The following S100Z variants were observed in gnomAD, a reference collection of about 807,000 sequenced individuals.
S100Z encodes the protein S100 calcium binding protein Z, also known as protein S100-Z.
S100Z carries 11 observed loss-of-function variants against 8.5 expected under a neutral mutation model. The ratio of observed to expected loss-of-function variants is 1.30; its 90% CI spans 0.82 to 2.15. The LOEUF is 2.15. S100Z is among the 30% of genes most tolerant of loss of function. S100Z has a pLI of 0.00. For synonymous variants in S100Z, 34 were observed against 43.8 expected, an observed-to-expected ratio of 0.78 and a Z score of 0.89; for missense variants, 126 against 117.9, an observed-to-expected ratio of 1.07 and a Z score of -0.32.
At chr5:76,917,631 T>A (rs1237232493) in intron 4 of S100Z, among the ~76,000 whole-genome samples, 1 of 152,168 alleles carries the variant, frequency 6.6e-6, no homozygotes, top group African/African-American at 2.4e-5. Context: ...GAGACCAGCC[T>A]GGCCAACATG....
At chr5:76,864,083 G>A (rs906407645) in intron 1 of S100Z, among the ~76,000 whole-genome samples, 39 of 152,198 alleles carry the variant, frequency 2.6e-4, no homozygotes, top group African/African-American at 8.4e-4. Flanking sequence ...TAAATCCTCC[G>A]TAATTCTATT....
At chr5:76,861,128 G>T (rs565263214) in intron 1 of S100Z, among the ~76,000 whole-genome samples, 1 of 152,324 alleles carries the variant, frequency 6.6e-6, no homozygotes, top group Non-Finnish European at 1.5e-5. Flanking sequence ...TTCTCACAAG[G>T]TTGTGTTGCA....
chr5:76,945,954 A>G, the S100Z span, among the ~76,000 whole-genome samples: 108,147 of 152,020 alleles, frequency 0.71, 38,643 homozygotes, highest in South Asian at 0.79. Flanking sequence ...CCCTTCAGGA[A>G]TTGAGGTACT....
chr5:76,893,351 C>T (rs570346320), intron 4 of S100Z, among the ~76,000 whole-genome samples: 7 of 152,176 alleles, frequency 4.6e-5, no homozygotes, highest in African/African-American at 1.7e-4. Flanking sequence ...AAAGTTCAGC[C>T]TGGCCAACAT....
intron 4 of S100Z, among the ~76,000 whole-genome samples, chr5:76,906,936 C>T (rs569553316): frequency 1.3e-4 from 19 of 144,142 alleles, no homozygotes; most frequent in African/African-American, 4.9e-4. Flanking sequence ...CGCCAAATTT[C>T]CTTCTTTTTA....
chr5:76,928,782 C>A, the S100Z span, among the ~76,000 whole-genome samples: 1 of 152,152 alleles, frequency 6.6e-6, no homozygotes, highest in East Asian at 1.9e-4. Flanking sequence ...ACTCTGTCGC[C>A]CAAGCTGGAG....
At chr5:76,889,260 C>A (rs1171342741) in intron 4 of S100Z, among the ~76,000 whole-genome samples, 2 of 152,146 alleles carry the variant, frequency 1.3e-5, no homozygotes, top group Non-Finnish European at 2.9e-5. Flanking sequence ...TCCTTAAAAC[C>A]ACTTCACGTA....
chr5:76,913,099 GTCT>G, intron 4 of S100Z, among the ~76,000 whole-genome samples: 2 of 152,290 alleles, frequency 1.3e-5, no homozygotes, highest in South Asian at 4.1e-4. Flanking sequence ...ATAATTGAAG[GTCT>G]TCTCTGTAAC....
chr5:76,924,416 G>A (rs78531807), downstream of S100Z, among the ~76,000 whole-genome samples: 677 of 152,236 alleles, frequency 4.4e-3, 9 homozygotes, highest in African/African-American at 0.016. Flanking sequence ...CAAAGCTTCA[G>A]AGGGTGAAGA....
At chr5:76,868,692 C>T (rs1028120417) in intron 1 of S100Z, among the ~76,000 whole-genome samples, 3 of 145,962 alleles carry the variant, frequency 2.1e-5, no homozygotes, top group East Asian at 2.1e-4. Context: ...GGCATTATCT[C>T]GGCTCACGGT....
At chr5:76,873,602 T>G (rs1743083637) in intron 2 of S100Z, among the ~76,000 whole-genome samples, 1 of 152,232 alleles carries the variant, frequency 6.6e-6, no homozygotes, top group Middle Eastern at 3.4e-3. Flanking sequence ...CCAGCCTGAA[T>G]ATGTTTGAAA....
intron 1 of S100Z, among the ~76,000 whole-genome samples, chr5:76,851,974 T>A (rs1750741390): frequency 6.6e-6 from 1 of 152,096 alleles, no homozygotes; most frequent in Non-Finnish European, 1.5e-5. Flanking sequence ...GTCTGTTGGG[T>A]TTTGGTGGGT....
chr5:76,906,976 GTATATATATATATATATATA>G lies in S100Z; in HGVS notation c.*3-13712_*3-13693del, dbSNP rs869046562. On this transcript the variant is annotated intron_variant, in intron 4 of 4. Coordinates refer to ENST00000317593, the MANE Select transcript of S100Z (RefSeq NM_130772.4). Reference sequence around the variant, plus strand: ...CTGAATAGTATTCCATTGTGTGTGTGTATATATATATATATATATATATATATATATATATATATATATAT... The same window carrying G: ...CTGAATAGTATTCCATTGTGTGTGTGTATATATATATATATATATATATAT... Among the ~76,000 whole-genome samples the G allele has an allele frequency of 3.3e-3, 72 of 21,788 alleles. 1 individual carries two copies. Among genetic ancestry groups the G allele is most frequent in the South Asian group, 0.012 (13 of 1,130 alleles). The allele number at this position is 21,788 out of a possible 152,430, so 14.3% of individuals were successfully genotyped here. A position where few individuals can be genotyped will look rare whatever the true frequency, so the allele number is the denominator to read the frequency against.
chr5:76,928,420 A>T, the S100Z span, among the ~76,000 whole-genome samples: 1 of 152,278 alleles, frequency 6.6e-6, no homozygotes, highest in Non-Finnish European at 1.5e-5. Flanking sequence ...CACCTTTAGG[A>T]TGGGAGTGAG....
At chr5:76,894,202 G>A (rs1016111586) in intron 4 of S100Z, among the ~76,000 whole-genome samples, 1 of 152,188 alleles carries the variant, frequency 6.6e-6, no homozygotes, top group Non-Finnish European at 1.5e-5. Context: ...TTGCAACCTA[G>A]ACATTCTTCT....
chr5:76,944,363 A>G, the S100Z span, among the ~76,000 whole-genome samples: 19 of 152,200 alleles, frequency 1.2e-4, no homozygotes, highest in Non-Finnish European at 2.9e-5. Context: ...GGTGCTCTGG[A>G]GGAAGATGGG....
At chr5:76,879,180 T>C (rs1743302851) in intron 4 of S100Z, among the ~76,000 whole-genome samples, 1 of 152,192 alleles carries the variant, frequency 6.6e-6, no homozygotes, top group South Asian at 2.1e-4. Context: ...AGTCTTTCCT[T>C]GTCTTTTTTT....
At chr5:76,919,971 C>CAAT (rs1332402967) in intron 4 of S100Z, among the ~76,000 whole-genome samples, 1 of 149,832 alleles carries the variant, frequency 6.7e-6, no homozygotes, top group Admixed American at 6.7e-5. Flanking sequence ...TGCAGTGGTC[C>CAAT]AATCTTGGCT....
intron 1 of S100Z, among the ~76,000 whole-genome samples, chr5:76,853,968 T>C (rs1008213902): frequency 1.3e-5 from 2 of 152,082 alleles, no homozygotes; most frequent in Non-Finnish European, 2.9e-5. Flanking sequence ...TGAAAGATCT[T>C]TCTTTCTTCC....
Sources: allele counts gnomAD v4.1 joint callset (sites outside exome capture counted in the v4.1 genomes callset), GRCh38; gene constraint gnomAD v4.1.1; transcripts MANE v1.5; gene names NCBI Gene and HGNC (gene_info 2026-07-23, HGNC 2026-07-21).